Variants in UCN3 observed in about 807,000 individuals in gnomAD.
UCN3 encodes urocortin 3.
A neutral mutation model predicts 3.6 loss-of-function variants in UCN3; 3 were observed. The observed-to-expected ratio is 0.83, with a 90% CI of 0.38 to 2.15. UCN3 has a LOEUF of 2.15. UCN3 is among the 30% of genes most tolerant of loss of function. UCN3 has a pLI of 0.06. For missense variants in UCN3, 206 were observed against 208.3 expected, an observed-to-expected ratio of 0.99 and a Z score of 0.07; for synonymous variants, 100 against 93.2, an observed-to-expected ratio of 1.07 and a Z score of -0.42.
chr10:5,371,317 G>A (rs1287321429), intron 1 of UCN3, among the ~76,000 whole-genome samples: 1 of 149,344 alleles, frequency 6.7e-6, no homozygotes, highest in Non-Finnish European at 1.5e-5. Flanking sequence ...GTATGTGTAT[G>A]TACGTGTAAG....
chr10:5,367,893 G>A lies in UCN3; in HGVS notation c.-7+2663G>A, dbSNP rs1554810824. Among the ~76,000 whole-genome samples the A allele has an allele frequency of 6.6e-6, 1 of 152,168 alleles. No homozygotes were observed. Among genetic ancestry groups the A allele is most frequent in the East Asian group, 1.9e-4 (1 of 5,194 alleles). On this transcript the variant is annotated intron_variant, in intron 1 of 1. Transcript: ENST00000380433. This position sits in a 1 kb window ranked among gnomAD's most constrained non-coding sequence, Gnocchi z 4.3. The stretch of plus-strand genomic sequence containing the variant: ...TGGGGTGCAGGGTTTGAGTGAGGAA[G>A]CAAAATAAACAAATGGGGTGGTGGG...
At chr10:5,370,363 A>G (rs797026237) in intron 1 of UCN3, among the ~76,000 whole-genome samples, 9 of 36,142 alleles carry the variant, frequency 2.5e-4, no homozygotes, top group Admixed American at 3.0e-4. Context: ...GTGTGTGTAT[A>G]TGCGTGTGTA....
intron 1 of UCN3, among the ~76,000 whole-genome samples, chr10:5,370,051 G>GTA (rs1483241427): frequency 4.2e-4 from 33 of 78,924 alleles, no homozygotes; most frequent in African/African-American, 1.3e-3. Flanking sequence ...ATATGCGTGT[G>GTA]TATGTGTGTG....
intron 1 of UCN3, among the ~76,000 whole-genome samples, chr10:5,369,913 ATATG>A (rs1831320708): frequency 1.0e-5 from 1 of 99,706 alleles, no homozygotes; most frequent in Admixed American, 1.0e-4. Flanking sequence ...GTGTGTGTGT[ATATG>A]TGTGTGTATG....
intron 1 of UCN3, among the ~76,000 whole-genome samples, chr10:5,370,872 T>C (rs200884578): frequency 0.089 from 7,226 of 81,366 alleles, 896 homozygotes; most frequent in East Asian, 0.23. Flanking sequence ...CGTGTGTATG[T>C]GTGTGTATAT....
chr10:5,368,153 G>A (rs1279482867), intron 1 of UCN3, among the ~76,000 whole-genome samples: 1 of 152,060 alleles, frequency 6.6e-6, no homozygotes, highest in African/African-American at 2.4e-5. Flanking sequence ...ACAGGCGTGT[G>A]CCACCACGCC....
rs1564443672 is a variant in UCN3 at position 5,370,854 on chromosome 10, T to TGTGTGC, written c.-6-2856_-6-2855insCGTGTG. Among the ~76,000 whole-genome samples the TGTGTGC allele has an allele frequency of 2.4e-5, 3 of 124,168 alleles. 1 individual carries two copies. Among genetic ancestry groups the TGTGTGC allele is most frequent in the Admixed American group, 1.7e-4 (2 of 11,898 alleles). 81.5% of individuals were successfully genotyped at this position (124,168 alleles called of 152,430 possible). ...GTGTGTGTGCGCGTGTGTGTGCGCG[T>TGTGTGC]GTGTGTGCGTGTGTATGTGTGTGTA... On this transcript the variant is annotated intron_variant, in intron 1 of 1. Transcript: ENST00000380433.
Position 5,366,123 on chromosome 10 carries a change from A to C in UCN3, c.-7+893A>C, listed in dbSNP as rs1486905129. ...CTGCACTTGGCAGAGATGTGTGATC[A>C]GTACTGTTTGCCTCCTGCCTTTGCT... is the stretch of plus-strand genomic sequence containing the variant. On this transcript the variant is annotated intron_variant, in intron 1 of 1. Transcript: ENST00000380433. The surrounding 1 kb of genome is among the most constrained non-coding windows in gnomAD (Gnocchi z 4.2). Among the ~76,000 whole-genome samples, 1 of 152,214 alleles carries C rather than the reference A, an allele frequency of 6.6e-6. No homozygotes were observed. The highest frequency in any genetic ancestry group is 1.5e-5 in the Non-Finnish European group (1 of 68,028).
At chr10:5,370,124 T>TGC (rs1831339779) in intron 1 of UCN3, among the ~76,000 whole-genome samples, 1 of 91,096 alleles carries the variant, frequency 1.1e-5, no homozygotes, top group Non-Finnish European at 2.1e-5. Context: ...TGTGTGTATG[T>TGC]GTGTGTATGT....
intron 1 of UCN3, among the ~76,000 whole-genome samples, chr10:5,371,840 G>C (rs782161445): frequency 2.6e-5 from 4 of 152,342 alleles, no homozygotes; most frequent in Non-Finnish European, 4.4e-5. Flanking sequence ...ATTCTCCCAA[G>C]TTGATAGTGA....
intron 1 of UCN3, among the ~76,000 whole-genome samples, chr10:5,370,824 C>A (rs117281557): frequency 1.2e-5 from 1 of 82,970 alleles, no homozygotes; most frequent in East Asian, 6.8e-4. Context: ...CGTGTGTGTG[C>A]GCGCGTGTGT....
rs1220733147 is a variant in UCN3 at position 5,374,540 on chromosome 10, C to T, written c.*334C>T. 1 of 261,798 alleles carries T rather than the reference C, an allele frequency of 3.8e-6. No individual in the cohort carries two copies. The highest frequency in any genetic ancestry group is 7.4e-6 in the Non-Finnish European group (1 of 134,344). 16.2% of individuals were successfully genotyped at this position (261,798 alleles called of 1,614,324 possible). A position where few individuals can be genotyped will look rare whatever the true frequency, so the allele number is the denominator to read the frequency against. On this transcript the variant is annotated 3_prime_UTR_variant, in exon 2 of 2. Coordinates refer to ENST00000380433, the MANE Select transcript of UCN3 (RefSeq NM_053049.4). Reference sequence around the variant, plus strand: ...ATGCATTCCTCCTCTCCAGTCTTCTCTCTGTTGACCCCATGCCTGAGAAGA... The same window carrying T: ...ATGCATTCCTCCTCTCCAGTCTTCTTTCTGTTGACCCCATGCCTGAGAAGA...
rs966287686 is a variant in UCN3 at position 5,366,824 on chromosome 10, C to T, written c.-7+1594C>T. 1.3e-5 allele frequency among the ~76,000 whole-genome samples: 2 copies of T among 152,166 alleles called. No homozygotes were observed. The highest frequency in any genetic ancestry group is 6.5e-5 in the Admixed American group (1 of 15,270). On this transcript the variant is annotated intron_variant, in intron 1 of 1. Coordinates refer to ENST00000380433, the MANE Select transcript of UCN3 (RefSeq NM_053049.4). The surrounding 1 kb of genome is among the most constrained non-coding windows in gnomAD (Gnocchi z 4.2). ...GGACACCTTTCAATACCCTCACAACCGTGTGCAGGCTAGAGCTGAGGGTTT... is the reference window on the plus strand; with the variant it reads ...GGACACCTTTCAATACCCTCACAACTGTGTGCAGGCTAGAGCTGAGGGTTT...
chr10:5,370,560 T>C (rs781865200), intron 1 of UCN3, among the ~76,000 whole-genome samples: 44 of 98,400 alleles, frequency 4.5e-4, no homozygotes, highest in East Asian at 3.2e-3. Context: ...TGTGTATATG[T>C]GTGTGTATAT....
chr10:5,374,216 C>A lies in UCN3; in HGVS notation c.*10C>A, dbSNP rs1554811829. The A allele has an allele frequency of 8.6e-7, 1 of 1,168,286 alleles. No homozygotes were observed. Among genetic ancestry groups the A allele is most frequent in the East Asian group, 6.6e-5 (1 of 15,212 alleles). 72.4% of individuals were successfully genotyped at this position (1,168,286 alleles called of 1,614,324 possible). A position where few individuals can be genotyped will look rare whatever the true frequency, so the allele number is the denominator to read the frequency against. ...TGGGAGGAAGAAGTAGAGGCGGAGG[C>A]TGGACGGGAGGGCAGCGGGGTGGGG... On this transcript the variant is annotated 3_prime_UTR_variant, in exon 2 of 2. Transcript: ENST00000380433.
rs371442089 is a variant in UCN3, at chr10:5,370,599, G to A, written c.-6-3116G>A. ...TGTATATGTGTGTATATGTGTGTGT[G>A]TATGCGTGTGTATATGCGTGTATAT... On this transcript the variant is annotated intron_variant, in intron 1 of 1. Transcript: ENST00000380433. Among the ~76,000 whole-genome samples the A allele has an allele frequency of 1.5e-3, 110 of 74,244 alleles. 6 individuals are homozygous for A. Among genetic ancestry groups the A allele is most frequent in the Middle Eastern group, 0.013 (1 of 80 alleles). 48.7% of individuals were successfully genotyped at this position (74,244 alleles called of 152,430 possible). A position where few individuals can be genotyped will look rare whatever the true frequency, so the allele number is the denominator to read the frequency against.
At chr10:5,370,094 T>C (rs1588399519) in intron 1 of UCN3, among the ~76,000 whole-genome samples, 1 of 129,036 alleles carries the variant, frequency 7.7e-6, no homozygotes, top group Non-Finnish European at 1.6e-5. Context: ...TATATGCGTG[T>C]GTATATGCGT....
intron 1 of UCN3, among the ~76,000 whole-genome samples, chr10:5,370,800 T>C (rs201202669): frequency 0.015 from 2,054 of 139,678 alleles, 114 homozygotes; most frequent in East Asian, 0.072. Context: ...TATGCGTGTG[T>C]ATATGTGTGT....
At chr10:5,370,060 T>C (rs1588399449) in intron 1 of UCN3, among the ~76,000 whole-genome samples, 2 of 109,660 alleles carry the variant, frequency 1.8e-5, no homozygotes, top group Admixed American at 2.0e-4. Flanking sequence ...TGTATGTGTG[T>C]GTATATGTGT....
Sources: allele counts gnomAD v4.1 joint callset (sites outside exome capture counted in the v4.1 genomes callset), GRCh38; gene constraint gnomAD v4.1.1; non-coding constraint Gnocchi (gnomAD v3.1); transcripts MANE v1.5; gene names NCBI Gene and HGNC (gene_info 2026-07-23, HGNC 2026-07-21).